MRPS25: variants seen among roughly 807,000 people sequenced by gnomAD.
The protein encoded by MRPS25 is mitochondrial ribosomal protein S25.
Under a neutral mutation model 17.3 loss-of-function variants are expected in MRPS25, and 15 were observed. The observed-to-expected ratio is 0.87, with a 90% CI of 0.58 to 1.34. The LOEUF (loss-of-function observed/expected upper bound fraction) is 1.34. Ranked by LOEUF, MRPS25 falls within the 40% of genes most tolerant of loss-of-function variation. The probability of loss-of-function intolerance (pLI) is 0.00; values close to 1 mark genes in which losing one functional copy is unlikely to be tolerated. For missense variants in MRPS25, 225 were observed against 218.6 expected, an observed-to-expected ratio of 1.03 and a Z score of -0.19; for synonymous variants, 94 against 83.3, an observed-to-expected ratio of 1.13 and a Z score of -0.70.
intron 1 of MRPS25, among the ~76,000 whole-genome samples, chr3:15,061,542 C>T (rs889598173): frequency 1.3e-5 from 2 of 152,206 alleles, no homozygotes; most frequent in African/African-American, 2.4e-5. Context: ...GGCTGGAGTG[C>T]AGTGGCATGA....
At position 15,049,462 on chromosome 3, in the gene MRPS25, C is replaced by T. The variant is rs1441218403; in HGVS notation, c.*2979G>A. 2 of 203,998 alleles carry T rather than the reference C, an allele frequency of 9.8e-6. No homozygotes were observed. Among genetic ancestry groups the T allele is most frequent in the East Asian group, 3.4e-4 (2 of 5,866 alleles). The allele number at this position is 203,998 out of a possible 1,614,324, so 12.6% of individuals were successfully genotyped here. Reference sequence around the variant, plus strand: ...TGTGGTCCACTGGACTTATTAATACCTTTAGTGGGAAACCCTGGCAGGACA... The same window carrying T: ...TGTGGTCCACTGGACTTATTAATACTTTTAGTGGGAAACCCTGGCAGGACA... On this transcript the variant is annotated 3_prime_UTR_variant, in exon 4 of 4. Transcript: ENST00000253686.
At chr3:15,053,859 GAGCCAAAAC>G (rs1455816368) in intron 2 of MRPS25, among the ~76,000 whole-genome samples, 5 of 152,136 alleles carry the variant, frequency 3.3e-5, no homozygotes, top group Admixed American at 3.3e-4. Context: ...GGACCCAAAA[GAGCCAAAAC>G]AATTCTAAAA....
At chr3:15,046,261 C>CA (rs938216226), downstream of MRPS25, 2 of 152,122 alleles carry the variant, frequency 1.3e-5, no homozygotes, top group African/African-American at 4.8e-5. Context: ...TAATTGCCCT[C>CA]AAGAGGGACT....
chr3:15,048,021 C>T (rs1489838388), downstream of MRPS25: 1 of 152,596 alleles, frequency 6.6e-6, no homozygotes, highest in Non-Finnish European at 1.5e-5. Context: ...AGTAGTTGCT[C>T]ATAGACCTGG....
chr3:15,054,812 T>C (rs891730803), intron 2 of MRPS25, among the ~76,000 whole-genome samples: 1 of 152,146 alleles, frequency 6.6e-6, no homozygotes, highest in African/African-American at 2.4e-5. Context: ...AGGACTTATA[T>C]CCAGAATATA....
chr3:15,052,883 G>A (rs1232313871), intron 3 of MRPS25, among the ~76,000 whole-genome samples: 1 of 152,224 alleles, frequency 6.6e-6, no homozygotes, highest in East Asian at 1.9e-4. Context: ...CCTATCTGCT[G>A]CCACAGGTGG....
chr3:15,058,433 C>T (rs1408446961), intron 2 of MRPS25, among the ~76,000 whole-genome samples: 1 of 152,228 alleles, frequency 6.6e-6, no homozygotes, highest in Non-Finnish European at 1.5e-5. Context: ...TCGTGATCCA[C>T]CCTCCTCGGC....
intron 2 of MRPS25, among the ~76,000 whole-genome samples, chr3:15,057,870 T>C (rs1478952200): frequency 6.6e-6 from 1 of 152,206 alleles, no homozygotes; most frequent in Non-Finnish European, 1.5e-5. Context: ...TGTTGTCCTG[T>C]TTCTCACAGT....
At chr3:15,052,833 C>T in intron 3 of MRPS25, among the ~76,000 whole-genome samples, 200 bp from the exon 4 acceptor site, 1 of 152,198 alleles carries the variant, frequency 6.6e-6, no homozygotes, top group East Asian at 1.9e-4. Flanking sequence ...CTGCTGTTGT[C>T]CCCTCACACC....
At chr3:15,058,891 G>T (rs1470184777) in intron 2 of MRPS25, among the ~76,000 whole-genome samples, 1 of 152,064 alleles carries the variant, frequency 6.6e-6, no homozygotes, top group African/African-American at 2.4e-5. Context: ...ACAGCATCGT[G>T]TAAGTGCACG....
chr3:15,051,280 G>A lies in MRPS25; in HGVS notation c.*1161C>T, dbSNP rs1283335226. The A allele has an allele frequency of 1.3e-6, 1 of 758,106 alleles. No homozygotes were observed. Among genetic ancestry groups the A allele is most frequent in the African/African-American group, 1.9e-5 (1 of 52,796 alleles). The allele number at this position is 758,106 out of a possible 1,614,324, so 47.0% of individuals were successfully genotyped here. ...GATTCACTGCAGCCTTGATCTCGCA[G>A]GCTCGAGATCCTCCCACCTCAGCTT... On this transcript the variant is annotated 3_prime_UTR_variant, in exon 4 of 4. Coordinates refer to ENST00000253686, the MANE Select transcript of MRPS25 (RefSeq NM_022497.5).
Position 15,065,233 on chromosome 3 carries a change from G to A in MRPS25, c.-39C>T. On this transcript the variant is annotated 5_prime_UTR_variant, in exon 1 of 4. Transcript: ENST00000253686. ...GCGGGGCCGACCCCACGGGCCGCGA[G>A]CCGAGCAGCGACGAGAAAGGACTAG... is the stretch of plus-strand genomic sequence containing the variant. The A allele has an allele frequency of 1.3e-6, 2 of 1,553,836 alleles. No homozygotes were observed.
rs1376841639 is a variant in MRPS25, at chr3:15,048,842, G to C, written c.*3599C>G. The C allele has an allele frequency of 1.3e-5, 2 of 152,610 alleles. No homozygotes were observed. The highest frequency in any genetic ancestry group is 1.9e-4 in the East Asian group (1 of 5,204). 9.5% of individuals were successfully genotyped at this position (152,610 alleles called of 1,614,324 possible). On this transcript the variant is annotated 3_prime_UTR_variant, in exon 4 of 4. Coordinates refer to ENST00000253686, the MANE Select transcript of MRPS25 (RefSeq NM_022497.5). ...TGGACTTCTCTGTTAGAATGTAACT[G>C]CATTACCAGCCCTTTTAAAGGCATC...
intron 2 of MRPS25, 146 bp from the exon 3 acceptor site, chr3:15,053,613 C>T (rs1237872824): frequency 3.3e-6 from 3 of 905,874 alleles, no homozygotes; most frequent in Non-Finnish European, 5.3e-6. Context: ...TGTAATACTA[C>T]CCTTCCTTTT....
intron 2 of MRPS25, among the ~76,000 whole-genome samples, chr3:15,054,607 T>C (rs1328463177): frequency 6.6e-6 from 1 of 152,042 alleles, no homozygotes; most frequent in Non-Finnish European, 1.5e-5. Context: ...TTAAAACTTC[T>C]AGAGGAGAAC....
downstream of MRPS25, chr3:15,046,152 C>T (rs922629805): frequency 1.3e-5 from 2 of 152,220 alleles, no homozygotes; most frequent in Admixed American, 1.3e-4. Context: ...TGAGGAGTTA[C>T]ATTTATTGTC....
At position 15,051,877 on chromosome 3, in the gene MRPS25, T is replaced by C. The variant is rs573533028; in HGVS notation, c.*564A>G. On this transcript the variant is annotated 3_prime_UTR_variant, in exon 4 of 4. Transcript: ENST00000253686. ...GGCTCCTCCATCTCTGGCCCATGGC[T>C]AGGCCCCCCAGCAGGCAAGGGTAAT... is the stretch of plus-strand genomic sequence containing the variant. 34 of 985,416 alleles carry C rather than the reference T, an allele frequency of 3.5e-5. No homozygotes were observed. The East Asian group carries it at 3.9e-3, about 112-fold the overall frequency. The allele number at this position is 985,416 out of a possible 1,614,324, so 61.0% of individuals were successfully genotyped here.
downstream of MRPS25, chr3:15,048,227 T>G (rs561955648): frequency 2.0e-5 from 3 of 152,804 alleles, no homozygotes; most frequent in South Asian, 6.2e-4. Context: ...AGAGAAAGCT[T>G]CTATTTCACT....
downstream of MRPS25, chr3:15,043,373 T>A (rs3773486): frequency 0.35 from 54,941 of 155,282 alleles, 12,251 homozygotes; most frequent in African/African-American, 0.64. Context: ...TATATATATA[T>A]AAAAAAGTCC....
Sources: allele counts gnomAD v4.1 joint callset (sites outside exome capture counted in the v4.1 genomes callset), GRCh38; gene constraint gnomAD v4.1.1; transcripts MANE v1.5; gene names NCBI Gene and HGNC (gene_info 2026-07-23, HGNC 2026-07-21).